The following ZCCHC14 variants were observed in gnomAD, a reference collection of about 807,000 sequenced individuals.
ZCCHC14 encodes the protein zinc finger CCHC-type containing 14, also known as zinc finger CCHC domain-containing protein 14.
ZCCHC14 carries 16 observed loss-of-function variants against 85.0 expected under a neutral mutation model. That is an observed-to-expected ratio of 0.19 (90% CI 0.13 to 0.29). The LOEUF is 0.29. ZCCHC14 is among the 10% of genes least tolerant of loss of function. The pLI, the probability that ZCCHC14 is intolerant of heterozygous loss-of-function variation, is 1.00. For synonymous variants in ZCCHC14, 775 were observed against 630.7 expected (o/e 1.23, Z -3.43); for missense variants, 1,303 against 1,443.5 (o/e 0.90, Z 1.58).
At chr16:87,467,050 T>TG (rs1274701543) in intron 1 of ZCCHC14, 30 of 436,244 alleles carry the variant, frequency 6.9e-5, no homozygotes, top group African/African-American at 5.1e-4. Context: ...AAATTGTTTT[T>TG]TTTTTTTTTT....
intron 2 of ZCCHC14, among the ~76,000 whole-genome samples, chr16:87,435,843 C>T (rs1208629459): frequency 6.6e-6 from 1 of 152,260 alleles, no homozygotes; most frequent in African/African-American, 2.4e-5. Flanking sequence ...GAGCACAGCA[C>T]ATTTAGAGGC....
intron 3 of ZCCHC14, among the ~76,000 whole-genome samples, chr16:87,425,225 T>C (rs150241303): frequency 5.3e-5 from 8 of 152,276 alleles, no homozygotes; most frequent in African/African-American, 1.9e-4. Flanking sequence ...GCAGCGTCCC[T>C]GGAACTAACG....
At chr16:87,418,796 C>A in intron 7 of ZCCHC14, 51 bp downstream of exon 7, 1 of 1,556,662 alleles carries the variant, frequency 6.4e-7, no homozygotes, top group African/African-American at 1.4e-5. Flanking sequence ...TCAAAGTAAA[C>A]ATTGTAAAAT....
At chr16:87,447,562 C>CTTCCA (rs949590290) in intron 2 of ZCCHC14, among the ~76,000 whole-genome samples, 1 of 152,216 alleles carries the variant, frequency 6.6e-6, no homozygotes, top group African/African-American at 2.4e-5. Context: ...ACTGAGTTCT[C>CTTCCA]TTCCATTGTA....
At chr16:87,430,287 TGA>T (rs1909586706) in intron 3 of ZCCHC14, among the ~76,000 whole-genome samples, 1 of 152,162 alleles carries the variant, frequency 6.6e-6, no homozygotes, top group African/African-American at 2.4e-5. Context: ...GGGTGTCTGC[TGA>T]AAAGCGCATC....
At chr16:87,429,475 C>T (rs897553554) in intron 3 of ZCCHC14, among the ~76,000 whole-genome samples, 17 of 152,222 alleles carry the variant, frequency 1.1e-4, no homozygotes, top group Admixed American at 8.5e-4. Flanking sequence ...CTACACCTGG[C>T]AGAACTCTCA....
intron 2 of ZCCHC14, among the ~76,000 whole-genome samples, chr16:87,439,184 G>A (rs1045914696): frequency 4.6e-5 from 7 of 151,522 alleles, no homozygotes; most frequent in African/African-American, 1.2e-4. Context: ...CTGTCGCCAG[G>A]CTGGAGTGGC....
chr16:87,464,879 G>T lies in ZCCHC14; in HGVS notation c.571-4748C>A, dbSNP rs369286568. On this transcript the variant is annotated intron_variant, in intron 1 of 12. Coordinates refer to ENST00000671377, the MANE Select transcript of ZCCHC14 (RefSeq NM_015144.3). The stretch of plus-strand genomic sequence containing the variant: ...CTCTCTGACTCAGGCTCACCCGCAG[G>T]ACTCGTCATCTGGCCTGATGTGCAC... Among the ~76,000 whole-genome samples, 13 of 152,322 alleles carry T rather than the reference G, an allele frequency of 8.5e-5. No individual in the cohort carries two copies. The East Asian group carries it at 2.5e-3, about 29-fold the overall frequency.
At chr16:87,432,626 T>G (rs1244222583) in intron 3 of ZCCHC14, among the ~76,000 whole-genome samples, 1 of 152,104 alleles carries the variant, frequency 6.6e-6, no homozygotes, top group East Asian at 1.9e-4. Context: ...GAAATGGGCT[T>G]CTGGCCATCT....
In ZCCHC14 at chr16:87,420,781, AC is replaced by A; in HGVS notation, c.841-66del. 1 of 1,392,144 alleles carries A rather than the reference AC, an allele frequency of 7.2e-7. No individual in the cohort carries two copies. Among genetic ancestry groups the A allele is most frequent in the Non-Finnish European group, 9.8e-7 (1 of 1,017,876 alleles). The allele number at this position is 1,392,144 out of a possible 1,614,324, so 86.2% of individuals were successfully genotyped here. A position where few individuals can be genotyped will look rare whatever the true frequency, so the allele number is the denominator to read the frequency against. ...CATCCAACACCAGCAGAATTCTGCT[AC>A]TGCAGGAAAACCTGGGGCAGGTGCT... is the stretch of plus-strand genomic sequence containing the variant. On this transcript the variant is annotated intron_variant, in intron 4 of 12. Coordinates refer to ENST00000671377, the MANE Select transcript of ZCCHC14 (RefSeq NM_015144.3). The surrounding 1 kb of genome is among the most constrained non-coding windows in gnomAD (Gnocchi z 5.0).
At chr16:87,436,402 G>A (rs140812987) in intron 2 of ZCCHC14, among the ~76,000 whole-genome samples, 6 of 152,368 alleles carry the variant, frequency 3.9e-5, no homozygotes, top group Admixed American at 6.5e-5. Flanking sequence ...TGTGCTCCGC[G>A]GGCTCTGAAG....
intron 9 of ZCCHC14, 29 bp downstream of exon 9, chr16:87,415,247 A>G (rs779753717): frequency 6.2e-7 from 1 of 1,606,074 alleles, no homozygotes; most frequent in Non-Finnish European, 8.5e-7. Flanking sequence ...GGAAATAAAC[A>G]CAGGTTTCAA....
chr16:87,431,131 G>A (rs745863388), intron 3 of ZCCHC14, among the ~76,000 whole-genome samples: 5 of 149,478 alleles, frequency 3.3e-5, no homozygotes, highest in Non-Finnish European at 5.9e-5. Flanking sequence ...GAGCAAGACA[G>A]TGTCAAAAAA....
In ZCCHC14 at chr16:87,420,593, G is replaced by A. The variant is rs924891592; in HGVS notation, c.950+14C>T. ...CCAGCTGTGGACGCGCCGGGTGCCT[G>A]GTAAGGGCCTCACCTCAGGCCTGAG... On this transcript the variant is annotated intron_variant, in intron 5 of 12. Coordinates refer to ENST00000671377, the MANE Select transcript of ZCCHC14 (RefSeq NM_015144.3). This position sits in a 1 kb window ranked among gnomAD's most constrained non-coding sequence, Gnocchi z 5.0. 20 of 1,606,562 alleles carry A rather than the reference G, an allele frequency of 1.2e-5. No individual in the cohort carries two copies. Among genetic ancestry groups the A allele is most frequent in the Admixed American group, 1.7e-5 (1 of 59,340 alleles).
At chr16:87,440,914 C>T (rs1251578655) in intron 2 of ZCCHC14, among the ~76,000 whole-genome samples, 1 of 152,028 alleles carries the variant, frequency 6.6e-6, no homozygotes, top group Non-Finnish European at 1.5e-5. Flanking sequence ...CACGCCCAGC[C>T]CTGCCCTTCA....
intron 9 of ZCCHC14, 54 bp downstream of exon 9, chr16:87,415,222 C>CG: frequency 6.4e-7 from 1 of 1,551,808 alleles, no homozygotes; most frequent in South Asian, 1.1e-5. Context: ...GCACTCCATT[C>CG]GGCACACGAG....
intron 1 of ZCCHC14, among the ~76,000 whole-genome samples, chr16:87,480,827 C>T (rs956725178): frequency 2.0e-5 from 3 of 152,124 alleles, no homozygotes; most frequent in African/African-American, 4.8e-5. Context: ...ACCAATAATG[C>T]GTATAGGGGT....
chr16:87,430,262 C>A (rs906002836), intron 3 of ZCCHC14, among the ~76,000 whole-genome samples: 1 of 152,066 alleles, frequency 6.6e-6, no homozygotes, highest in African/African-American at 2.4e-5. Context: ...CTCCTGCATA[C>A]GGACGTCTGT....
intron 2 of ZCCHC14, among the ~76,000 whole-genome samples, chr16:87,453,358 A>G (rs1381608672): frequency 6.6e-6 from 1 of 152,256 alleles, no homozygotes; most frequent in Non-Finnish European, 1.5e-5. Flanking sequence ...ACTGGAGAGT[A>G]GTGGGAGCAG....
Sources: gnomAD v4.1 joint callset for allele counts (sites outside exome capture counted in the v4.1 genomes callset) on GRCh38, gnomAD v4.1.1 for gene constraint, Gnocchi (gnomAD v3.1) non-coding constraint, MANE v1.5 for transcripts, NCBI Gene and HGNC (gene_info 2026-07-23, HGNC 2026-07-21) for gene names.